Variants in ASTL observed in about 807,000 individuals in gnomAD.
ASTL encodes the protein astacin like metalloendopeptidase.
In ASTL, 27 loss-of-function variants were observed where a neutral mutation model predicts 36.7. The ratio of observed to expected loss-of-function variants is 0.73; its 90% confidence interval spans 0.54 to 1.01. ASTL has a LOEUF of 1.01. Among genes scored for constraint, ASTL ranks in the 50% least tolerant of loss-of-function variants. The pLI is 0.00. For synonymous variants in ASTL, 222 were observed against 228.1 expected (o/e 0.97, Z 0.24); for missense variants, 524 against 572.8 (o/e 0.91, Z 0.87).
In ASTL at chr2:96,134,016, T is replaced by C; in HGVS notation, c.286A>G (p.Met96Val). 1.2e-6 allele frequency: 2 copies of C among 1,614,030 alleles called. No homozygotes were observed. Among genetic ancestry groups the C allele is most frequent in the Admixed American group, 1.7e-5 (1 of 60,026 alleles). ...ACCTCCACGACACCACTACCACCCATGGGCCATTTGTTGCTGGTTGCTGAC... is the reference window on the plus strand; with the variant it reads ...ACCTCCACGACACCACTACCACCCACGGGCCATTTGTTGCTGGTTGCTGAC... ...LLSATSNKWP[M>V]GGSGVVEVPF... Residue 96 changes from methionine (M) to valine (V), a missense_variant, in exon 4 of 9, where the codon ATG becomes GTG. Met to Val is a conservative substitution (Grantham distance 21). Coordinates refer to ENST00000342380, the MANE Select transcript of ASTL (RefSeq NM_001002036.4).
At chr2:96,126,509 G>C (rs1471600320) in intron 8 of ASTL, among the ~76,000 whole-genome samples, 1 of 152,208 alleles carries the variant, frequency 6.6e-6, no homozygotes, top group Non-Finnish European at 1.5e-5. Context: ...TGTCAGCAAG[G>C]ATGGGAGAAA....
intron 2 of ASTL, among the ~76,000 whole-genome samples, chr2:96,136,240 G>A (rs1682296998): frequency 6.6e-6 from 1 of 152,258 alleles, no homozygotes; most frequent in Non-Finnish European, 1.5e-5. Flanking sequence ...ACCACCTTTA[G>A]GCAGGAGCCA....
chr2:96,133,375 G>T, intron 5 of ASTL, 50 bp downstream of exon 5: 1 of 1,259,188 alleles, frequency 7.9e-7, no homozygotes, highest in Non-Finnish European at 1.2e-6. Context: ...GTTAATTCCG[G>T]GCTGAACGCA....
chr2:96,133,396 G>T, intron 5 of ASTL, 29 bp downstream of exon 5: 1 of 1,401,870 alleles, frequency 7.1e-7, no homozygotes, highest in Non-Finnish European at 1.0e-6. Flanking sequence ...GAAGCGAGCT[G>T]AGATACGCAT....
intron 6 of ASTL, 56 bp from the exon 7 acceptor site, chr2:96,130,201 G>T (rs1028124334): frequency 2.7e-5 from 38 of 1,426,574 alleles, no homozygotes; most frequent in Non-Finnish European, 3.7e-5. Flanking sequence ...AGGCAAGAAA[G>T]GGCAGGCAAT....
chr2:96,125,467 C>G (rs146695147), intron 8 of ASTL, among the ~76,000 whole-genome samples: 6 of 152,286 alleles, frequency 3.9e-5, no homozygotes, highest in Non-Finnish European at 7.4e-5. Context: ...CCATGTGCAG[C>G]CTTTTTCCAA....
In ASTL at chr2:96,132,463, G is replaced by A; in HGVS notation, c.637+77C>T. The A allele has an allele frequency of 1.5e-6, 2 of 1,378,126 alleles. No individual in the cohort carries two copies. Among genetic ancestry groups the A allele is most frequent in the Non-Finnish European group, 9.9e-7 (1 of 1,010,394 alleles). The allele number at this position is 1,378,126 out of a possible 1,614,324, so 85.4% of individuals were successfully genotyped here. Reference sequence around the variant, plus strand: ...GGGGAGGATGGATAGCCTCACCCATGGGGACCAGGCGACTTGGGCCCAAGC... The same window carrying A: ...GGGGAGGATGGATAGCCTCACCCATAGGGACCAGGCGACTTGGGCCCAAGC... On this transcript the variant is annotated intron_variant, in intron 6 of 8. Coordinates refer to ENST00000342380, the MANE Select transcript of ASTL (RefSeq NM_001002036.4). This position sits in a 1 kb window ranked among gnomAD's most constrained non-coding sequence, Gnocchi z 5.4.
Position 96,135,362 on chromosome 2 carries a change from T to C in ASTL, c.232A>G (p.Ile78Val), listed in dbSNP as rs745520994. Reference protein sequence around the residue: ...PESSFLIEGDIIRPSPFRLLS... With the variant: ...PESSFLIEGDVIRPSPFRLLS... The stretch of plus-strand genomic sequence containing the variant: ...GTGTGTGCACTCACCGGCCGGATGA[T>C]GTCCCCCTCGATGAGGAAGCTGCTC... Residue 78 changes from isoleucine to valine, a missense_variant, in exon 3 of 9, where the codon ATC becomes GTC. Transcript: ENST00000342380. 4.8e-5 allele frequency: 77 copies of C among 1,614,020 alleles called. No individual in the cohort carries two copies. The highest frequency in any genetic ancestry group is 6.3e-5 in the Non-Finnish European group (74 of 1,179,990).
intron 6 of ASTL, among the ~76,000 whole-genome samples, chr2:96,131,135 C>G (rs1682170746): frequency 6.6e-6 from 1 of 152,234 alleles, no homozygotes; most frequent in South Asian, 2.1e-4. Flanking sequence ...TGTTTTCCAA[C>G]TCAATTTCTG....
intron 1 of ASTL, 151 bp from the exon 2 acceptor site, chr2:96,137,851 A>T: frequency 1.3e-6 from 1 of 768,258 alleles, no homozygotes; most frequent in Middle Eastern, 3.8e-4. Context: ...GAGCCTTCCC[A>T]GCCTCCCTGC....
At position 96,138,498 on chromosome 2, in the gene ASTL, A is replaced by G; in HGVS notation, c.-62T>C. On this transcript the variant is annotated 5_prime_UTR_variant, in exon 1 of 9. Transcript: ENST00000342380. The stretch of plus-strand genomic sequence containing the variant: ...AGCCCCAGCAAGACACAGTAACCTA[A>G]TTGCAGAACCGGCACCACCACCCCC... 7.6e-6 allele frequency: 11 copies of G among 1,438,974 alleles called. No individual in the cohort carries two copies. Among genetic ancestry groups the G allele is most frequent in the Non-Finnish European group, 4.8e-6 (5 of 1,035,882 alleles). 89.1% of individuals were successfully genotyped at this position (1,438,974 alleles called of 1,614,324 possible).
intron 1 of ASTL, among the ~76,000 whole-genome samples, 163 bp downstream of exon 1, chr2:96,138,219 T>G (rs541024738): frequency 6.6e-6 from 1 of 152,148 alleles, no homozygotes; most frequent in African/African-American, 2.4e-5. Flanking sequence ...GGCCTCCCCT[T>G]GGCCCCCCAG....
chr2:96,133,416 G>A lies in ASTL; in HGVS notation c.455+9C>T, dbSNP rs546938969. 21 of 1,557,810 alleles carry A rather than the reference G, an allele frequency of 1.3e-5. No homozygotes were observed. The highest frequency in any genetic ancestry group is 2.7e-5 in the African/African-American group (2 of 73,930). On this transcript the variant is annotated intron_variant, in intron 5 of 8. Coordinates refer to ENST00000342380, the MANE Select transcript of ASTL (RefSeq NM_001002036.4). ...GAGCTGAGATACGCATCCTGGCCCC[G>A]GCACTTACCCATACATGGGGATGAT...
chr2:96,132,752 T>A lies in ASTL; in HGVS notation c.456-31A>T. 1 of 1,588,324 alleles carries A rather than the reference T, an allele frequency of 6.3e-7. No homozygotes were observed. The highest frequency in any genetic ancestry group is 8.6e-7 in the Non-Finnish European group (1 of 1,161,210). Reference sequence around the variant, plus strand: ...GGGTGATGAGAGCAAGTGGGGTAAGTGCCAGCCCAGATCCCTCCGGACATA... The same window carrying A: ...GGGTGATGAGAGCAAGTGGGGTAAGAGCCAGCCCAGATCCCTCCGGACATA... On this transcript the variant is annotated intron_variant, in intron 5 of 8. Transcript: ENST00000342380. This position sits in a 1 kb window ranked among gnomAD's most constrained non-coding sequence, Gnocchi z 5.4.
chr2:96,135,525 T>C (rs1573916555), intron 2 of ASTL, 113 bp from the exon 3 acceptor site: 1 of 892,982 alleles, frequency 1.1e-6, no homozygotes, highest in Non-Finnish European at 1.8e-6. Context: ...TCCTAGTGGA[T>C]TGTTACTTTT....
At chr2:96,136,218 C>T (rs539911525) in intron 2 of ASTL, among the ~76,000 whole-genome samples, 70 of 152,384 alleles carry the variant, frequency 4.6e-4, no homozygotes, top group African/African-American at 1.6e-3. Flanking sequence ...ACAAATGACA[C>T]CGCTGACTTG....
chr2:96,130,187 GGGCA>G, intron 6 of ASTL, 42 bp from the exon 7 acceptor site: 1 of 1,524,320 alleles, frequency 6.6e-7, no homozygotes. Context: ...TATATAAAGA[GGGCA>G]GGCAAGAAAG....
In ASTL at chr2:96,124,191, C is replaced by T. The variant is rs147267731; in HGVS notation, c.955G>A (p.Glu319Lys). 3.4e-5 allele frequency: 52 copies of T among 1,527,934 alleles called. No homozygotes were observed. The African/African-American group carries it at 6.0e-4, about 17-fold the overall frequency. The allele number at this position is 1,527,934 out of a possible 1,614,324, so 94.6% of individuals were successfully genotyped here. A position where few individuals can be genotyped will look rare whatever the true frequency, so the allele number is the denominator to read the frequency against. ...LQRLLEALSA[E>K]SRSPDPSGSS... ...CCACTGGGGTCGGGGCTCCTGGATT[C>T]CGCCGACAGTGCCTCCAAAAGCCGC... Residue 319 changes from glutamate to lysine, a missense_variant, in exon 9 of 9, where the codon GAA becomes AAA. Transcript: ENST00000342380. This position sits in a 1 kb window ranked among gnomAD's most constrained non-coding sequence, Gnocchi z 4.1.
Position 96,137,638 on chromosome 2 carries a change from C to T in ASTL, c.118G>A (p.Asp40Asn). 1.2e-6 allele frequency: 2 copies of T among 1,613,976 alleles called. No homozygotes were observed. Among genetic ancestry groups the T allele is most frequent in the Non-Finnish European group, 1.7e-6 (2 of 1,179,924 alleles). The change falls in exon 2 of 9, where the codon GAT (aspartate) becomes AAT (asparagine). Residue 40 changes from aspartate (D) to asparagine (N), a missense_variant. Coordinates refer to ENST00000342380, the MANE Select transcript of ASTL (RefSeq NM_001002036.4). ...CAGACGTSFP[D>N]GLTPEGTQAS... Reference sequence around the variant, plus strand: ...TGGGTTCCCTCAGGGGTGAGGCCATCTGGGAAGCTGGTACCACAGGCTCCT... The same window carrying T: ...TGGGTTCCCTCAGGGGTGAGGCCATTTGGGAAGCTGGTACCACAGGCTCCT...
Sources: allele counts gnomAD v4.1 joint callset (sites outside exome capture counted in the v4.1 genomes callset), GRCh38; gene constraint gnomAD v4.1.1; non-coding constraint Gnocchi (gnomAD v3.1); transcripts MANE v1.5; gene names NCBI Gene and HGNC (gene_info 2026-07-23, HGNC 2026-07-21).